The following FOXN3 variants were observed in gnomAD, a reference collection of about 807,000 sequenced individuals.
FOXN3 encodes the protein forkhead box protein N3.
In FOXN3, 7 loss-of-function variants were observed where a neutral mutation model predicts 38.4. That is an observed-to-expected ratio of 0.18 (90% confidence interval 0.10 to 0.34). The LOEUF is 0.34. Ranked by LOEUF, FOXN3 falls within the 10% of genes least tolerant of loss-of-function variation. The pLI is 1.00. For synonymous variants in FOXN3, 230 were observed against 242.2 expected (o/e 0.95, Z 0.47); for missense variants, 456 against 613.4 (o/e 0.74, Z 2.71).
chr14:89,329,169 G>A (rs1158111241), intron 3 of FOXN3, among the ~76,000 whole-genome samples: 1 of 152,158 alleles, frequency 6.6e-6, no homozygotes, highest in Non-Finnish European at 1.5e-5. Context: ...CACCCCTCAC[G>A]GAACCAAGCC....
intron 2 of FOXN3, among the ~76,000 whole-genome samples, chr14:89,365,110 C>T (rs1191512343): frequency 2.0e-5 from 3 of 152,102 alleles, no homozygotes; most frequent in Non-Finnish European, 2.9e-5. Flanking sequence ...CCCGAGCTTC[C>T]GCTTTGCAGG....
intron 1 of FOXN3, among the ~76,000 whole-genome samples, chr14:89,595,197 C>T (rs1239409862): frequency 1.3e-5 from 2 of 151,730 alleles, no homozygotes; most frequent in East Asian, 1.9e-4. Flanking sequence ...CGGTGGCAGT[C>T]GCCTGTAGTC....
intron 1 of FOXN3, among the ~76,000 whole-genome samples, chr14:89,614,010 G>C (rs1029617205): frequency 6.6e-6 from 1 of 152,210 alleles, no homozygotes; most frequent in Admixed American, 6.5e-5. Flanking sequence ...TGGGATGTAA[G>C]GGGGAAAACT....
intron 5 of FOXN3, among the ~76,000 whole-genome samples, chr14:89,171,258 C>A (rs1190284259): frequency 6.6e-6 from 1 of 152,168 alleles, no homozygotes; most frequent in Non-Finnish European, 1.5e-5. Flanking sequence ...AAACACAAGT[C>A]ATCCTATTAT....
At chr14:89,463,149 C>A (rs1306746043) in intron 1 of FOXN3, among the ~76,000 whole-genome samples, 1 of 151,138 alleles carries the variant, frequency 6.6e-6, no homozygotes, top group Non-Finnish European at 1.5e-5. Flanking sequence ...ATTAGCCGGG[C>A]GTGGTGGCAG....
intron 3 of FOXN3, among the ~76,000 whole-genome samples, chr14:89,327,906 A>C (rs930895395): frequency 6.6e-6 from 1 of 152,206 alleles, no homozygotes; most frequent in African/African-American, 2.4e-5. Context: ...GAAGTCCATT[A>C]AGATGAAGTG....
intron 2 of FOXN3, among the ~76,000 whole-genome samples, chr14:89,395,921 CTT>C (rs1257779115): frequency 6.6e-6 from 1 of 152,116 alleles, no homozygotes; most frequent in Non-Finnish European, 1.5e-5. Flanking sequence ...TCCAGTCACA[CTT>C]GTCACTACTT....
chr14:89,235,856 GC>G (rs1378007092), intron 4 of FOXN3, among the ~76,000 whole-genome samples: 1 of 134,024 alleles, frequency 7.5e-6, no homozygotes, highest in African/African-American at 4.1e-5. Flanking sequence ...TCCTATTTTA[GC>G]CCCCCAAGAC....
intron 4 of FOXN3, among the ~76,000 whole-genome samples, chr14:89,193,091 C>T (rs555514138): frequency 4.6e-5 from 7 of 152,182 alleles, no homozygotes; most frequent in South Asian, 4.1e-4. Flanking sequence ...CCAAGAAAAA[C>T]GATTTTTTCC....
chr14:89,490,415 G>A (rs1211951422), intron 1 of FOXN3, among the ~76,000 whole-genome samples: 1 of 152,240 alleles, frequency 6.6e-6, no homozygotes, highest in African/African-American at 2.4e-5. Flanking sequence ...GATGCCTTAA[G>A]TGGAACCCAA....
rs1456164475 is a variant in FOXN3 at position 89,160,249 on chromosome 14, T to C, written c.*2165A>G. On this transcript the variant is annotated 3_prime_UTR_variant, in exon 6 of 6. Coordinates refer to ENST00000557258, the MANE Select transcript of FOXN3 (RefSeq NM_005197.4). ...GCCCCCGCCATTAAAGAAAATTTCT[T>C]AGGCAAAGGTAACAACAGGAGTTTC... The C allele has an allele frequency of 7.8e-6, 1 of 128,480 alleles. No homozygotes were observed. Among genetic ancestry groups the C allele is most frequent in the East Asian group, 2.6e-4 (1 of 3,818 alleles). 8.0% of individuals were successfully genotyped at this position (128,480 alleles called of 1,614,324 possible).
At chr14:89,525,561 C>T (rs931051600) in intron 1 of FOXN3, among the ~76,000 whole-genome samples, 5 of 151,570 alleles carry the variant, frequency 3.3e-5, no homozygotes, top group Admixed American at 6.6e-5. Flanking sequence ...TCCAGCAGCC[C>T]GAGCTGCTGC....
At chr14:89,420,540 AT>A (rs973500528), upstream of FOXN3, among the ~76,000 whole-genome samples, 1 of 152,198 alleles carries the variant, frequency 6.6e-6, no homozygotes, top group Non-Finnish European at 1.5e-5. Flanking sequence ...GGATATGTGT[AT>A]TTTGAGAAAG....
chr14:89,318,100 G>C (rs1455254427), intron 3 of FOXN3, among the ~76,000 whole-genome samples: 4 of 150,780 alleles, frequency 2.7e-5, no homozygotes, highest in Non-Finnish European at 4.4e-5. Flanking sequence ...CTTTAGAGTA[G>C]TAACTATGTT....
rs540768196 is a variant in FOXN3 at position 89,524,040 on chromosome 14, C to T, written c.-15+94988G>A. ...CCTCCCAAAGTGCTGAGATTACAGG[C>T]GTGAGCCACCACGCCTAGCCAAATA... On this transcript the variant is annotated intron_variant, in intron 1 of 6. Transcript: ENST00000345097. Among the ~76,000 whole-genome samples, 354 of 149,232 alleles carry T rather than the reference C, an allele frequency of 2.4e-3. 1 individual carries two copies. Among genetic ancestry groups the T allele is most frequent in the African/African-American group, 8.0e-3 (328 of 40,904 alleles).
chr14:89,515,513 G>T (rs1038824997), intron 1 of FOXN3, among the ~76,000 whole-genome samples: 12 of 151,890 alleles, frequency 7.9e-5, no homozygotes, highest in Admixed American at 7.9e-4. Context: ...ATCACCCGAG[G>T]TCAGGAGTTC....
chr14:89,226,984 T>G (rs1227216382), intron 4 of FOXN3, among the ~76,000 whole-genome samples: 1 of 152,160 alleles, frequency 6.6e-6, no homozygotes, highest in Non-Finnish European at 1.5e-5. Flanking sequence ...AGACAATAAA[T>G]CTCTGTTGTT....
intron 3 of FOXN3, among the ~76,000 whole-genome samples, chr14:89,311,155 T>C (rs949411113): frequency 6.1e-5 from 9 of 148,296 alleles, no homozygotes; most frequent in African/African-American, 2.2e-4. Flanking sequence ...TTATATCTTT[T>C]AAAAAAAAGA....
At chr14:89,232,416 C>T (rs1884840837) in intron 4 of FOXN3, among the ~76,000 whole-genome samples, 2 of 152,160 alleles carry the variant, frequency 1.3e-5, no homozygotes, top group South Asian at 2.1e-4. Context: ...TGAACTGTTG[C>T]AATCTTCTAT....
Sources: allele counts gnomAD v4.1 joint callset (sites outside exome capture counted in the v4.1 genomes callset), GRCh38; gene constraint gnomAD v4.1.1; transcripts MANE v1.5; gene names NCBI Gene and HGNC (gene_info 2026-07-23, HGNC 2026-07-21).